Variants in STAG1 observed in about 807,000 individuals in gnomAD.
The protein encoded by STAG1 is STAG1 cohesin complex component.
Under a neutral mutation model 170.9 loss-of-function variants are expected in STAG1, and 26 were observed. The observed-to-expected ratio is 0.15, with a 90% CI of 0.11 to 0.21. The LOEUF (loss-of-function observed/expected upper bound fraction) is 0.21. STAG1 is among the 10% of genes least tolerant of loss of function. The pLI is 1.00. For missense variants in STAG1, 964 were observed against 1,509.5 expected (o/e 0.64, Z 5.99); for synonymous variants, 514 against 497.7 (o/e 1.03, Z -0.44).
At chr3:136,466,381 T>A (rs1415612675) in intron 12 of STAG1, among the ~76,000 whole-genome samples, 1 of 152,122 alleles carries the variant, frequency 6.6e-6, no homozygotes, top group African/African-American at 2.4e-5. Flanking sequence ...GCCAATTCGA[T>A]CAACTGGAAG....
intron 6 of STAG1, among the ~76,000 whole-genome samples, chr3:136,530,094 T>C (rs1935293438): frequency 6.6e-6 from 1 of 152,180 alleles, no homozygotes; most frequent in Non-Finnish European, 1.5e-5. Flanking sequence ...GCTATACTTA[T>C]GATGAGTGAA....
At chr3:136,627,891 G>A (rs1344570533) in intron 2 of STAG1, among the ~76,000 whole-genome samples, 1 of 152,082 alleles carries the variant, frequency 6.6e-6, no homozygotes, top group Non-Finnish European at 1.5e-5. Flanking sequence ...CCTAGATACT[G>A]CAACATCCTT....
chr3:136,339,198 G>GA (rs1378762978), intron 32 of STAG1, among the ~76,000 whole-genome samples: 1 of 152,104 alleles, frequency 6.6e-6, no homozygotes, highest in Non-Finnish European at 1.5e-5. Flanking sequence ...AGCCTCAAAA[G>GA]AAATCACCTT....
intron 1 of STAG1, among the ~76,000 whole-genome samples, chr3:136,674,152 A>C (rs1942059826): frequency 4.8e-5 from 1 of 20,844 alleles, no homozygotes; most frequent in Non-Finnish European, 7.9e-5. Flanking sequence ...GGAGGGAGGG[A>C]GAGAGGGAGG....
rs902268381 is a variant in STAG1, at chr3:136,337,569, C to A, written c.*685G>T. 1 of 152,580 alleles carries A rather than the reference C, an allele frequency of 6.6e-6. No individual in the cohort carries two copies. The highest frequency in any genetic ancestry group is 6.6e-5 in the Admixed American group (1 of 15,266). The allele number at this position is 152,580 out of a possible 1,614,324, so 9.5% of individuals were successfully genotyped here. ...ATGGACATTTCTTATTTTATGCCCACTTATAAATAAAAATAAACCTTTTAT... is the reference window on the plus strand; with the variant it reads ...ATGGACATTTCTTATTTTATGCCCAATTATAAATAAAAATAAACCTTTTAT... On this transcript the variant is annotated 3_prime_UTR_variant, in exon 34 of 34. Coordinates refer to ENST00000383202, the MANE Select transcript of STAG1 (RefSeq NM_005862.3).
intron 1 of STAG1, among the ~76,000 whole-genome samples, chr3:136,679,563 C>A (rs185501243): frequency 6.6e-6 from 1 of 152,014 alleles, no homozygotes; most frequent in Non-Finnish European, 1.5e-5. Flanking sequence ...CCCGTCTGTA[C>A]TAAAAAGACA....
intron 15 of STAG1, 32 bp downstream of exon 15, chr3:136,443,255 A>C (rs1183607672): frequency 1.4e-6 from 2 of 1,480,762 alleles, no homozygotes; most frequent in Non-Finnish European, 9.4e-7. Flanking sequence ...GAAATACAAA[A>C]TCATGTAAAT....
Position 136,540,187 on chromosome 3 carries a change from TATATAC to T in STAG1, c.471+1926_471+1931del, listed in dbSNP as rs1935822872. ...ATGCATTTAAACCAAGTTTCTCGGG[TATATAC>T]ACAGTAACAAAAGGAATAATATCTT... On this transcript the variant is annotated intron_variant, in intron 6 of 33. Transcript: ENST00000383202. Among the ~76,000 whole-genome samples, 3 of 152,090 alleles carry T rather than the reference TATATAC, an allele frequency of 2.0e-5. No homozygotes were observed. In the South Asian group the frequency reaches 6.2e-4, roughly 32 times the overall value.
chr3:136,489,321 G>C (rs1038935001), intron 9 of STAG1, among the ~76,000 whole-genome samples: 2 of 152,144 alleles, frequency 1.3e-5, no homozygotes, highest in Non-Finnish European at 2.9e-5. Flanking sequence ...CTCAGCAGAT[G>C]GAAGTTTAAT....
chr3:136,451,584 G>A (rs1028412824), intron 14 of STAG1, among the ~76,000 whole-genome samples: 3 of 152,064 alleles, frequency 2.0e-5, no homozygotes, highest in Non-Finnish European at 2.9e-5. Context: ...CCAACATGGT[G>A]AAACCCCGTC....
intron 1 of STAG1, among the ~76,000 whole-genome samples, chr3:136,725,164 C>T (rs1394892158): frequency 6.6e-6 from 1 of 152,054 alleles, no homozygotes. Flanking sequence ...ACTAAGGAAG[C>T]TTCTAAATTT....
intron 22 of STAG1, among the ~76,000 whole-genome samples, chr3:136,383,756 C>A (rs1292605813): frequency 6.6e-6 from 1 of 151,856 alleles, no homozygotes; most frequent in Non-Finnish European, 1.5e-5. Flanking sequence ...GAGATCGAGA[C>A]CATCCTGGCC....
At chr3:136,672,220 G>A (rs1200237964) in intron 1 of STAG1, among the ~76,000 whole-genome samples, 1 of 152,198 alleles carries the variant, frequency 6.6e-6, no homozygotes, top group Non-Finnish European at 1.5e-5. Flanking sequence ...TCACAAAAAT[G>A]AGGCCTACAA....
At chr3:136,487,168 C>G (rs917217491) in intron 9 of STAG1, among the ~76,000 whole-genome samples, 15 of 152,046 alleles carry the variant, frequency 9.9e-5, no homozygotes, top group African/African-American at 3.4e-4. Flanking sequence ...TGTGCTGTTC[C>G]CCTCTGTGTG....
chr3:136,493,447 G>C (rs1041859046), intron 9 of STAG1, among the ~76,000 whole-genome samples: 1 of 151,944 alleles, frequency 6.6e-6, no homozygotes, highest in Non-Finnish European at 1.5e-5. Context: ...TTGAGTCCAG[G>C]AGTTCAACAC....
intron 1 of STAG1, among the ~76,000 whole-genome samples, chr3:136,694,476 T>A (rs1273937296): frequency 6.6e-6 from 1 of 151,732 alleles, no homozygotes; most frequent in African/African-American, 2.4e-5. Flanking sequence ...ATTAGCTGGG[T>A]GTGGTGGCAC....
At chr3:136,657,185 CTTTCTTTTTT>C (rs1941409406) in intron 1 of STAG1, among the ~76,000 whole-genome samples, 1 of 74,906 alleles carries the variant, frequency 1.3e-5, no homozygotes, top group Non-Finnish European at 2.6e-5. Context: ...ACGTTTCTTT[CTTTCTTTTTT>C]TTTTTTTTTT....
intron 1 of STAG1, among the ~76,000 whole-genome samples, chr3:136,684,120 T>A (rs1942431527): frequency 1.3e-5 from 2 of 152,196 alleles, no homozygotes; most frequent in Admixed American, 1.3e-4. Context: ...GATTTATAGA[T>A]TCAACATAAT....
chr3:136,383,409 GAA>G (rs1409020811), intron 22 of STAG1, among the ~76,000 whole-genome samples: 2 of 151,948 alleles, frequency 1.3e-5, no homozygotes, highest in Non-Finnish European at 2.9e-5. Flanking sequence ...TTTTTAATTT[GAA>G]AAAAGTTACA....
Sources: gnomAD v4.1 joint callset for allele counts (sites outside exome capture counted in the v4.1 genomes callset) on GRCh38, gnomAD v4.1.1 for gene constraint, MANE v1.5 for transcripts, NCBI Gene and HGNC (gene_info 2026-07-23, HGNC 2026-07-21) for gene names.